Variants in EFR3A observed in about 807,000 individuals in gnomAD.
EFR3A encodes the protein EFR3 homolog A.
A neutral mutation model predicts 104.4 loss-of-function variants in EFR3A; 76 were observed. The observed-to-expected ratio is 0.73, with a 90% CI of 0.60 to 0.88. The LOEUF (loss-of-function observed/expected upper bound fraction) is 0.88, where lower values mean the gene tolerates loss of function less well. Ranked by LOEUF, EFR3A falls within the 40% of genes least tolerant of loss-of-function variation. The probability of loss-of-function intolerance (pLI) is 0.00; values close to 1 mark genes in which losing one functional copy is unlikely to be tolerated. For missense variants in EFR3A, 985 were observed against 1,012.5 expected (o/e 0.97, Z 0.37); for synonymous variants, 330 against 330.0 (o/e 1.00, Z 0.00).
intron 3 of EFR3A, 61 bp downstream of exon 3, chr8:131,944,933 T>C: frequency 6.4e-7 from 1 of 1,555,812 alleles, no homozygotes; most frequent in Non-Finnish European, 8.7e-7. Context: ...GACTTTTAAA[T>C]CATTCTATAG....
At position 132,011,687 on chromosome 8, in the gene EFR3A, G is replaced by C. The variant is rs1411147766; in HGVS notation, c.*792G>C. 6.5e-6 allele frequency: 1 copy of C among 153,434 alleles called. No individual in the cohort carries two copies. The highest frequency in any genetic ancestry group is 2.4e-5 in the African/African-American group (1 of 41,416). The allele number at this position is 153,434 out of a possible 1,614,324, so 9.5% of individuals were successfully genotyped here. On this transcript the variant is annotated 3_prime_UTR_variant, in exon 23 of 23. Transcript: ENST00000254624. ...GAAATTATAGTAGTATTTTGCTGTGGCTCCATTAATTAAATGAGATATATA... is the reference window on the plus strand; with the variant it reads ...GAAATTATAGTAGTATTTTGCTGTGCCTCCATTAATTAAATGAGATATATA...
At position 131,957,292 on chromosome 8, in the gene EFR3A, T is replaced by C. The variant is rs538437495; in HGVS notation, c.776+1387T>C. Among the ~76,000 whole-genome samples, 67 of 151,754 alleles carry C rather than the reference T, an allele frequency of 4.4e-4. 1 individual carries two copies. The highest frequency in any genetic ancestry group is 1.6e-3 in the African/African-American group (67 of 41,388). Reference sequence around the variant, plus strand: ...TGGATTATGAGAAAAGAACAAAAAGTGCTCTAGCAGATCAAAACAAATAAT... The same window carrying C: ...TGGATTATGAGAAAAGAACAAAAAGCGCTCTAGCAGATCAAAACAAATAAT... On this transcript the variant is annotated intron_variant, in intron 7 of 22. Coordinates refer to ENST00000254624, the MANE Select transcript of EFR3A (RefSeq NM_015137.6).
In EFR3A at chr8:131,999,000, C is replaced by T. The variant is rs73349388; in HGVS notation, c.2157+2503C>T. On this transcript the variant is annotated intron_variant, in intron 19 of 22. Transcript: ENST00000254624. ...TCCTGAGATAAAATTATCAGCTTGACTAATAGAATAAAGCACTATAGGCAT... is the reference window on the plus strand; with the variant it reads ...TCCTGAGATAAAATTATCAGCTTGATTAATAGAATAAAGCACTATAGGCAT... Among the ~76,000 whole-genome samples, 845 of 152,004 alleles carry T rather than the reference C, an allele frequency of 5.6e-3. 10 individuals carry two copies. The highest frequency in any genetic ancestry group is 0.019 in the African/African-American group (803 of 41,490).
chr8:131,953,986 G>A lies in EFR3A; in HGVS notation c.638+19G>A. On this transcript the variant is annotated intron_variant, in intron 6 of 22. Coordinates refer to ENST00000254624, the MANE Select transcript of EFR3A (RefSeq NM_015137.6). ...TTGACAGGTATTTAAAAAAATATTA[G>A]TGTTGAGACAGTGTTACTTTTATAT... 2.6e-6 allele frequency: 4 copies of A among 1,512,952 alleles called. No individual in the cohort carries two copies. Among genetic ancestry groups the A allele is most frequent in the Non-Finnish European group, 2.7e-6 (3 of 1,125,870 alleles). 93.7% of individuals were successfully genotyped at this position (1,512,952 alleles called of 1,614,324 possible). A position where few individuals can be genotyped will look rare whatever the true frequency, so the allele number is the denominator to read the frequency against.
chr8:132,008,104 TA>T (rs2130819815), intron 22 of EFR3A, among the ~76,000 whole-genome samples: 1 of 152,050 alleles, frequency 6.6e-6, no homozygotes, highest in South Asian at 2.1e-4. Context: ...TCATCCAAAT[TA>T]AAAACTTACC....
chr8:131,948,527 G>T (rs2130594910), intron 4 of EFR3A, among the ~76,000 whole-genome samples: 1 of 152,240 alleles, frequency 6.6e-6, no homozygotes, highest in South Asian at 2.1e-4. Context: ...TTTAGATGAT[G>T]TGACAAGCTT....
At chr8:131,908,107 C>A (rs2130366418) in intron 1 of EFR3A, among the ~76,000 whole-genome samples, 1 of 151,656 alleles carries the variant, frequency 6.6e-6, no homozygotes, top group African/African-American at 2.4e-5. Context: ...GTCGCCCAGG[C>A]TGGAGTGCAG....
At chr8:131,949,177 A>G (rs934654569) in intron 4 of EFR3A, among the ~76,000 whole-genome samples, 1 of 152,216 alleles carries the variant, frequency 6.6e-6, no homozygotes, top group South Asian at 2.1e-4. Context: ...ACATGTTAAT[A>G]CTATGCAACA....
At chr8:131,958,242 A>C (rs1819124183) in intron 7 of EFR3A, among the ~76,000 whole-genome samples, 2 of 152,190 alleles carry the variant, frequency 1.3e-5, no homozygotes, top group Admixed American at 1.3e-4. Context: ...GATCATGATA[A>C]TGCAGGTCAT....
intron 3 of EFR3A, among the ~76,000 whole-genome samples, chr8:131,945,253 T>C (rs965067131): frequency 1.3e-5 from 2 of 151,880 alleles, no homozygotes; most frequent in East Asian, 1.9e-4. Flanking sequence ...TCATTTTTTT[T>C]CACACAGCTT....
intron 14 of EFR3A, 33 bp from the exon 15 acceptor site, chr8:131,984,106 A>G (rs764150143): frequency 1.2e-5 from 18 of 1,556,994 alleles, no homozygotes; most frequent in Non-Finnish European, 1.6e-5. Context: ...ATTTTAAGCA[A>G]AATTACCTTT....
rs1411033305 is a variant in EFR3A at position 132,012,683 on chromosome 8, C to T, written c.*1788C>T. The T allele has an allele frequency of 6.6e-6, 1 of 152,384 alleles. No individual in the cohort carries two copies. The highest frequency in any genetic ancestry group is 1.9e-4 in the East Asian group (1 of 5,200). The allele number at this position is 152,384 out of a possible 1,614,324, so 9.4% of individuals were successfully genotyped here. The stretch of plus-strand genomic sequence containing the variant: ...ATCTAAGCAGGGGGACATGCAAAAA[C>T]AATCATCATCCACTTGGATGTCATT... On this transcript the variant is annotated 3_prime_UTR_variant, in exon 23 of 23. Coordinates refer to ENST00000254624, the MANE Select transcript of EFR3A (RefSeq NM_015137.6).
chr8:131,911,185 C>T (rs1816494843), intron 1 of EFR3A, among the ~76,000 whole-genome samples: 2 of 152,154 alleles, frequency 1.3e-5, no homozygotes, highest in Admixed American at 6.5e-5. Context: ...CTGAGAAAAG[C>T]ACCCTAACTG....
intron 8 of EFR3A, among the ~76,000 whole-genome samples, chr8:131,963,681 A>C (rs558020398): frequency 3.1e-3 from 479 of 152,322 alleles, no homozygotes; most frequent in African/African-American, 0.011. Context: ...AAACTATTCC[A>C]ATCAATAGAA....
intron 5 of EFR3A, among the ~76,000 whole-genome samples, chr8:131,951,689 T>TTGAC (rs1276587919): frequency 6.6e-6 from 1 of 152,142 alleles, no homozygotes; most frequent in Non-Finnish European, 1.5e-5. Flanking sequence ...AAAAGAAACT[T>TTGAC]TGACATTTTC....
In EFR3A at chr8:132,010,911, C is replaced by A. The variant is rs747535172; in HGVS notation, c.*16C>A. On this transcript the variant is annotated 3_prime_UTR_variant, in exon 23 of 23. Coordinates refer to ENST00000254624, the MANE Select transcript of EFR3A (RefSeq NM_015137.6). ...TGTGTACTGATCGGCGCATGAAGAC[C>A]TCAGGATATGATTTGTAAAGCCTAA... is the stretch of plus-strand genomic sequence containing the variant. The A allele has an allele frequency of 6.5e-5, 102 of 1,578,556 alleles. No homozygotes were observed. Among genetic ancestry groups the A allele is most frequent in the Non-Finnish European group, 8.6e-5 (99 of 1,155,010 alleles).
chr8:131,911,402 A>T (rs1355453417), intron 1 of EFR3A, among the ~76,000 whole-genome samples: 5 of 152,154 alleles, frequency 3.3e-5, no homozygotes, highest in African/African-American at 1.2e-4. Flanking sequence ...ATCTATGAAG[A>T]GAGTTAGTTT....
intron 18 of EFR3A, among the ~76,000 whole-genome samples, chr8:131,988,486 A>G (rs1821011074): frequency 6.6e-6 from 1 of 152,044 alleles, no homozygotes; most frequent in Non-Finnish European, 1.5e-5. Flanking sequence ...ATATACATTT[A>G]GTACAGTAAT....
chr8:132,010,471 C>T (rs1282507873), intron 22 of EFR3A, among the ~76,000 whole-genome samples: 11 of 124,782 alleles, frequency 8.8e-5, no homozygotes, highest in African/African-American at 3.1e-4. Flanking sequence ...ATTCTGTCAT[C>T]AAAAAAGATA....
Sources: allele counts gnomAD v4.1 joint callset (sites outside exome capture counted in the v4.1 genomes callset), GRCh38; gene constraint gnomAD v4.1.1; transcripts MANE v1.5; gene names NCBI Gene and HGNC (gene_info 2026-07-23, HGNC 2026-07-21).